SPIC: variants seen among roughly 807,000 people sequenced by gnomAD.
SPIC encodes transcription factor Spi-C.
SPIC carries 9 observed loss-of-function variants against 16.7 expected under a neutral mutation model. The ratio of observed to expected loss-of-function variants is 0.54; its 90% CI spans 0.33 to 0.94. SPIC has a LOEUF of 0.94. SPIC is among the 40% of genes least tolerant of loss of function. The probability of loss-of-function intolerance (pLI) is 0.03; values close to 1 mark genes in which losing one functional copy is unlikely to be tolerated. For synonymous variants in SPIC, 97 were observed against 102.9 expected (o/e 0.94, Z 0.35); for missense variants, 241 against 285.8 (o/e 0.84, Z 1.13).
chr12:101,478,346 A>C (rs1006685841), intron 3 of SPIC, among the ~76,000 whole-genome samples: 4 of 151,216 alleles, frequency 2.6e-5, no homozygotes, highest in African/African-American at 9.8e-5. Context: ...TTTTATCTTT[A>C]ATTTAATTTT....
chr12:101,485,378 G>A (rs555960797), intron 5 of SPIC, among the ~76,000 whole-genome samples: 6 of 152,270 alleles, frequency 3.9e-5, no homozygotes, highest in African/African-American at 1.4e-4. Flanking sequence ...TTCCTGCCTA[G>A]TTATTTTGAA....
At chr12:101,477,415 C>A in intron 2 of SPIC, 143 bp from the exon 3 acceptor site, 1 of 736,382 alleles carries the variant, frequency 1.4e-6, no homozygotes, top group Non-Finnish European at 2.3e-6. Flanking sequence ...GGCAGCCCCC[C>A]TGACAACAGA....
At chr12:101,482,045 C>A (rs543421987) in intron 4 of SPIC, among the ~76,000 whole-genome samples, 1 of 143,842 alleles carries the variant, frequency 7.0e-6, no homozygotes, top group Non-Finnish European at 1.5e-5. Context: ...GAGTTCAAGA[C>A]CAGCCTGGCC....
chr12:101,479,188 G>GAA (rs1417604526), intron 3 of SPIC, among the ~76,000 whole-genome samples: 38 of 105,168 alleles, frequency 3.6e-4, no homozygotes, highest in African/African-American at 1.3e-3. Flanking sequence ...AAGAAAGAAA[G>GAA]AAAGAAAGAA....
Position 101,482,839 on chromosome 12 carries a change from G to A in SPIC, c.258G>A (p.Leu86=). 1 of 1,614,014 alleles carries A rather than the reference G, an allele frequency of 6.2e-7. No individual in the cohort carries two copies. The highest frequency in any genetic ancestry group is 8.5e-7 in the Non-Finnish European group (1 of 1,180,010). The change falls in exon 5 of 6, where the codon CTG becomes CTA. Residue 86 remains leucine, a synonymous_variant. Coordinates refer to ENST00000551346, the MANE Select transcript of SPIC (RefSeq NM_152323.3). ...FYFEGNIHQS[L]QNITENQLVQ... The stretch of plus-strand genomic sequence containing the variant: ...TTGAAGGAAATATTCATCAATCTCT[G>A]CAGAACATAACTGAAAACCAGCTGG...
chr12:101,476,840 AT>A lies in SPIC; in HGVS notation c.-61del. Reference sequence around the variant, plus strand: ...TAAACTTTTTCAGGATTGTCAACTTATTTTATTTTATTTTCTTCAAGCAACA... The same window carrying A: ...TAAACTTTTTCAGGATTGTCAACTTATTTATTTTATTTTCTTCAAGCAACA... On this transcript the variant is annotated 5_prime_UTR_variant, in exon 2 of 6. The change abolishes the stop of an existing upstream ORF in the 5' untranslated region. Coordinates refer to ENST00000551346, the MANE Select transcript of SPIC (RefSeq NM_152323.3). 1 of 1,145,124 alleles carries A rather than the reference AT, an allele frequency of 8.7e-7. No homozygotes were observed. Among genetic ancestry groups the A allele is most frequent in the Non-Finnish European group, 1.2e-6 (1 of 834,830 alleles). The allele number at this position is 1,145,124 out of a possible 1,614,324, so 70.9% of individuals were successfully genotyped here.
chr12:101,476,690 G>T, intron 1 of SPIC, 138 bp from the exon 2 acceptor site: 1 of 341,090 alleles, frequency 2.9e-6, no homozygotes, highest in Non-Finnish European at 5.3e-6. Flanking sequence ...AAAAAAATTT[G>T]TACTCATCAA....
intron 3 of SPIC, among the ~76,000 whole-genome samples, chr12:101,479,300 GAAAGAA>G (rs1247414895): frequency 3.9e-5 from 3 of 76,844 alleles, no homozygotes; most frequent in African/African-American, 2.2e-4. Flanking sequence ...AAGAAAGAAA[GAAAGAA>G]AAAAGAAAGA....
chr12:101,477,038 A>G (rs1040918013), intron 2 of SPIC, 131 bp downstream of exon 2: 2 of 474,152 alleles, frequency 4.2e-6, no homozygotes, highest in African/African-American at 4.0e-5. Context: ...TAATAAGGAT[A>G]TGAAATAGTT....
rs1187162465 is a variant in SPIC, at chr12:101,484,331, C to T, written c.319+1431C>T. 4.0e-5 allele frequency among the ~76,000 whole-genome samples: 6 copies of T among 150,620 alleles called. No homozygotes were observed. In the East Asian group the frequency reaches 1.0e-3, roughly 25 times the overall value. On this transcript the variant is annotated intron_variant, in intron 5 of 5. Coordinates refer to ENST00000551346, the MANE Select transcript of SPIC (RefSeq NM_152323.3). Reference sequence around the variant, plus strand: ...GACGGATCACCTGGGGTCAGGAGTTCGAGACGAACCTGGCCAACATGGTGA... The same window carrying T: ...GACGGATCACCTGGGGTCAGGAGTTTGAGACGAACCTGGCCAACATGGTGA...
At chr12:101,484,608 G>C (rs553427530) in intron 5 of SPIC, among the ~76,000 whole-genome samples, 1 of 151,120 alleles carries the variant, frequency 6.6e-6, no homozygotes, top group African/African-American at 2.4e-5. Context: ...GAGTCTCTCC[G>C]AACCTATTCT....
In SPIC at chr12:101,482,116, C is replaced by CA. The variant is rs531061509; in HGVS notation, c.211-675dup. On this transcript the variant is annotated intron_variant, in intron 4 of 5. Transcript: ENST00000551346. ...AATTAGCCGGGCATGGTGGCACGCC[C>CA]AGCTACTAGGGAGGCTGAGGCAGGA... 8.2e-4 allele frequency among the ~76,000 whole-genome samples: 123 copies of CA among 150,914 alleles called. 4 individuals carry two copies. The East Asian group carries it at 0.02, about 25-fold the overall frequency.
chr12:101,485,381 A>G (rs1873334471), intron 5 of SPIC, among the ~76,000 whole-genome samples: 1 of 152,244 alleles, frequency 6.6e-6, no homozygotes. Flanking sequence ...CTGCCTAGTT[A>G]TTTTGAAATA....
intron 5 of SPIC, among the ~76,000 whole-genome samples, chr12:101,484,501 A>G (rs1249472528): frequency 6.6e-6 from 1 of 151,988 alleles, no homozygotes; most frequent in East Asian, 1.9e-4. Flanking sequence ...AAGCCACTGC[A>G]CTCCAGCCTG....
chr12:101,484,910 TA>T (rs1350694103), intron 5 of SPIC, among the ~76,000 whole-genome samples: 1 of 151,854 alleles, frequency 6.6e-6, no homozygotes, highest in Admixed American at 6.6e-5. Flanking sequence ...AATTTAAACA[TA>T]AAAAAATACG....
At chr12:101,477,746 G>C (rs895276284) in intron 3 of SPIC, 95 bp downstream of exon 3, 1 of 1,116,612 alleles carries the variant, frequency 9.0e-7, no homozygotes, top group Non-Finnish European at 1.3e-6. Flanking sequence ...ACCAGGTGCT[G>C]TGGCTCACAT....
rs1593491738 is a variant in SPIC, at chr12:101,479,751, C to T, written c.210+57C>T. The T allele has an allele frequency of 2.3e-6, 3 of 1,304,206 alleles. No homozygotes were observed. In the Admixed American group the frequency reaches 5.3e-5, roughly 23 times the overall value. 80.8% of individuals were successfully genotyped at this position (1,304,206 alleles called of 1,614,324 possible). A position where few individuals can be genotyped will look rare whatever the true frequency, so the allele number is the denominator to read the frequency against. On this transcript the variant is annotated intron_variant, in intron 4 of 5. Transcript: ENST00000551346. ...AAATATCCTATTCTTGCCAGCCTTC[C>T]ATTTCACATACACTGTCTGAAACCC...
At chr12:101,477,189 T>C (rs1223080239) in intron 2 of SPIC, among the ~76,000 whole-genome samples, 1 of 152,224 alleles carries the variant, frequency 6.6e-6, no homozygotes, top group East Asian at 1.9e-4. Context: ...AACTCCTTGC[T>C]AAAATTTTGC....
intron 5 of SPIC, 65 bp from the exon 6 acceptor site, chr12:101,486,279 C>T (rs1873362138): frequency 1.3e-6 from 2 of 1,494,388 alleles, no homozygotes; most frequent in East Asian, 4.5e-5. Context: ...CTCAACAAAC[C>T]CTTTCTGAGG....
Sources: allele counts gnomAD v4.1 joint callset (sites outside exome capture counted in the v4.1 genomes callset), GRCh38; gene constraint gnomAD v4.1.1; transcripts MANE v1.5; gene names NCBI Gene and HGNC (gene_info 2026-07-23, HGNC 2026-07-21).